TRAPPC9: variants seen among roughly 807,000 people sequenced by gnomAD.
The protein encoded by TRAPPC9 is IKK2 binding protein.
Under a neutral mutation model 124.0 loss-of-function variants are expected in TRAPPC9, and 83 were observed. The ratio of observed to expected loss-of-function variants is 0.67; its 90% CI spans 0.56 to 0.80. The LOEUF (loss-of-function observed/expected upper bound fraction) is 0.80, where lower values mean the gene tolerates loss of function less well. TRAPPC9 is among the 30% of genes least tolerant of loss of function. The probability of loss-of-function intolerance (pLI) is 0.00; values close to 1 mark genes in which losing one functional copy is unlikely to be tolerated. For missense variants in TRAPPC9, 1,302 were observed against 1,508.3 expected (o/e 0.86, Z 2.27); for synonymous variants, 638 against 617.5 (o/e 1.03, Z -0.49).
chr8:140,319,475 C>A (rs13272578), intron 9 of TRAPPC9, among the ~76,000 whole-genome samples: 97,240 of 148,810 alleles, frequency 0.65, 31,914 homozygotes, highest in African/African-American at 0.77. Flanking sequence ...CCGTGCCCGG[C>A]CAACTTTTTG....
intron 9 of TRAPPC9, among the ~76,000 whole-genome samples, chr8:140,352,523 G>A (rs2067618350): frequency 6.6e-6 from 1 of 152,186 alleles, no homozygotes; most frequent in African/African-American, 2.4e-5. Context: ...TCAAGGGCGA[G>A]GTGGAGAGGC....
At chr8:140,186,712 A>G (rs2062362420) in intron 17 of TRAPPC9, among the ~76,000 whole-genome samples, 1 of 152,202 alleles carries the variant, frequency 6.6e-6, no homozygotes, top group Admixed American at 6.5e-5. Context: ...CTCTTAATTA[A>G]TTGAAGCAAG....
chr8:140,191,214 A>G (rs964657486), intron 17 of TRAPPC9, among the ~76,000 whole-genome samples: 3 of 152,222 alleles, frequency 2.0e-5, no homozygotes, highest in African/African-American at 7.2e-5. Flanking sequence ...CATTTCATCC[A>G]TGCTCACAAG....
intron 5 of TRAPPC9, 143 bp from the exon 6 acceptor site, chr8:140,405,841 A>G: frequency 1.1e-6 from 1 of 895,880 alleles, no homozygotes; most frequent in Non-Finnish European, 1.7e-6. Context: ...CACAGCTTAT[A>G]TGCTTCCTAT....
chr8:139,844,674 G>T (rs2130903146), intron 21 of TRAPPC9, among the ~76,000 whole-genome samples: 1 of 152,344 alleles, frequency 6.6e-6, no homozygotes, highest in Non-Finnish European at 1.5e-5. Flanking sequence ...AGCTCTGCTG[G>T]CATGGACTGC....
chr8:139,792,294 A>C (rs1051078713), intron 21 of TRAPPC9, among the ~76,000 whole-genome samples: 1 of 152,152 alleles, frequency 6.6e-6, no homozygotes, highest in Non-Finnish European at 1.5e-5. Context: ...GACATGCCTA[A>C]GTGGCATGCT....
intron 5 of TRAPPC9, among the ~76,000 whole-genome samples, chr8:140,419,428 C>CAAAAAA (rs61155157): frequency 8.5e-4 from 68 of 79,540 alleles, no homozygotes; most frequent in Non-Finnish European, 1.2e-3. Context: ...GACTCCGTCT[C>CAAAAAA]AAAAAAAAAA....
At chr8:139,801,739 G>A (rs893203416) in intron 21 of TRAPPC9, among the ~76,000 whole-genome samples, 7 of 152,330 alleles carry the variant, frequency 4.6e-5, no homozygotes, top group East Asian at 1.9e-4. Context: ...ACTCCTCTGC[G>A]TCAGTTATGC....
At chr8:140,167,569 G>A (rs1255892765) in intron 17 of TRAPPC9, among the ~76,000 whole-genome samples, 1 of 152,174 alleles carries the variant, frequency 6.6e-6, no homozygotes, top group Non-Finnish European at 1.5e-5. Context: ...GCCTATGTCT[G>A]ACTGGCAAAA....
At chr8:139,971,123 C>G (rs968008866) in intron 19 of TRAPPC9, among the ~76,000 whole-genome samples, 4 of 152,128 alleles carry the variant, frequency 2.6e-5, no homozygotes, top group African/African-American at 9.7e-5. Flanking sequence ...GAGATCAGCA[C>G]CCAGGCTCCC....
chr8:140,072,517 C>CAAA (rs1203630621), intron 17 of TRAPPC9, among the ~76,000 whole-genome samples: 11,881 of 109,404 alleles, frequency 0.11, 839 homozygotes, highest in African/African-American at 0.2. Flanking sequence ...GACTCCGTCT[C>CAAA]AAAAAAAAAA....
At chr8:140,389,283 A>G (rs557916806) in intron 7 of TRAPPC9, among the ~76,000 whole-genome samples, 89 of 152,290 alleles carry the variant, frequency 5.8e-4, no homozygotes, top group African/African-American at 2.0e-3. Context: ...AGGGCATATA[A>G]GTGTTCATTG....
intron 17 of TRAPPC9, among the ~76,000 whole-genome samples, chr8:140,059,525 G>C (rs1446717284): frequency 6.6e-6 from 1 of 152,202 alleles, no homozygotes; most frequent in Non-Finnish European, 1.5e-5. Flanking sequence ...AGAAACTGAT[G>C]AATAGTTCAA....
chr8:139,909,253 C>G lies in TRAPPC9; in HGVS notation c.2964+894G>C, dbSNP rs557819291. Among the ~76,000 whole-genome samples, 294 of 152,186 alleles carry G rather than the reference C, an allele frequency of 1.9e-3. 1 individual carries two copies. Among genetic ancestry groups the G allele is most frequent in the Non-Finnish European group, 3.3e-3 (224 of 68,032 alleles). On this transcript the variant is annotated intron_variant, in intron 20 of 22. Transcript: ENST00000438773. The stretch of plus-strand genomic sequence containing the variant: ...GCTGCCCCTTCCCCGGAGATGGGCT[C>G]TCATGCCTCAGTATTTTGGGGCTGT...
chr8:140,188,058 C>A (rs180739679), intron 17 of TRAPPC9, among the ~76,000 whole-genome samples: 5 of 152,162 alleles, frequency 3.3e-5, no homozygotes, highest in Admixed American at 2.0e-4. Context: ...TTACTCCCCA[C>A]AAAATATCCA....
At chr8:140,159,890 T>A (rs2061715879) in intron 17 of TRAPPC9, among the ~76,000 whole-genome samples, 1 of 152,220 alleles carries the variant, frequency 6.6e-6, no homozygotes, top group African/African-American at 2.4e-5. Context: ...CGGCCCCTGT[T>A]TTAGAAGTTC....
At chr8:140,024,419 G>A (rs1840005064) in intron 17 of TRAPPC9, among the ~76,000 whole-genome samples, 2 of 148,834 alleles carry the variant, frequency 1.3e-5, no homozygotes, top group African/African-American at 2.5e-5. Context: ...TTTTTTTGGA[G>A]ATGGAGTCTT....
intron 9 of TRAPPC9, among the ~76,000 whole-genome samples, chr8:140,338,581 G>C (rs554218039): frequency 6.6e-6 from 1 of 152,362 alleles, no homozygotes; most frequent in Admixed American, 6.5e-5. Flanking sequence ...AGAGATAATG[G>C]AGGTAAAATG....
intron 9 of TRAPPC9, among the ~76,000 whole-genome samples, chr8:140,327,980 C>T (rs993873441): frequency 2.0e-5 from 3 of 152,260 alleles, no homozygotes; most frequent in Admixed American, 1.3e-4. Flanking sequence ...ATTGGCCGGG[C>T]GCGGTGGCTC....
Sources: gnomAD v4.1 joint callset for allele counts (sites outside exome capture counted in the v4.1 genomes callset) on GRCh38, gnomAD v4.1.1 for gene constraint, MANE v1.5 for transcripts, NCBI Gene and HGNC (gene_info 2026-07-23, HGNC 2026-07-21) for gene names.